The following CCDC73 variants were observed in gnomAD, a reference collection of about 807,000 sequenced individuals.
CCDC73 encodes coiled-coil domain-containing protein 73.
A neutral mutation model predicts 116.5 loss-of-function variants in CCDC73; 95 were observed. The ratio of observed to expected loss-of-function variants is 0.82; its 90% CI spans 0.69 to 0.97. CCDC73 has a LOEUF of 0.97. CCDC73 is among the 50% of genes least tolerant of loss of function. The pLI is 0.00. For missense variants in CCDC73, 1,066 were observed against 1,206.8 expected, an observed-to-expected ratio of 0.88 and a Z score of 1.73; for synonymous variants, 398 against 401.3, an observed-to-expected ratio of 0.99 and a Z score of 0.10.
At chr11:32,647,396 G>A (rs201867) in intron 12 of CCDC73, among the ~76,000 whole-genome samples, 1 of 151,918 alleles carries the variant, frequency 6.6e-6, no homozygotes, top group African/African-American at 2.4e-5. Flanking sequence ...ATCTGCCCCC[G>A]TGACGCACAC....
At chr11:32,805,213 C>A in the CCDC73 span, among the ~76,000 whole-genome samples, 21 of 152,156 alleles carry the variant, frequency 1.4e-4, no homozygotes, top group Non-Finnish European at 2.9e-4. Flanking sequence ...AATTTAATTT[C>A]TCTTTCAATT....
At chr11:32,608,984 C>A (rs1855388673) in intron 17 of CCDC73, among the ~76,000 whole-genome samples, 2 of 152,086 alleles carry the variant, frequency 1.3e-5, no homozygotes, top group Admixed American at 1.3e-4. Flanking sequence ...AGCACGGGGA[C>A]CCTGAGCCCC....
In CCDC73 at chr11:32,675,636, C is replaced by T. The variant is rs1250615576; in HGVS notation, c.574G>A (p.Ala192Thr). Residue 192 changes from alanine to threonine, a missense_variant, in exon 9 of 18, where the codon GCA (alanine) becomes ACA (threonine). Physicochemically the swap from Ala to Thr is moderately conservative, Grantham distance 58 (BLOSUM62 0). Transcript: ENST00000335185. The part of the protein sequence containing the change: ...HEKLEQNVRE[A>T]IQSNKRLSAL... ...GAAAGTCTTTTGTTTGATTGTATTG[C>T]TTCCCGTACTGCAACATGAAAGACA... 1 of 1,585,654 alleles carries T rather than the reference C, an allele frequency of 6.3e-7. No individual in the cohort carries two copies. Among genetic ancestry groups the T allele is most frequent in the Non-Finnish European group, 8.5e-7 (1 of 1,170,736 alleles).
chr11:32,748,118 C>T (rs1850256713), intron 2 of CCDC73, among the ~76,000 whole-genome samples: 1 of 152,188 alleles, frequency 6.6e-6, no homozygotes, highest in African/African-American at 2.4e-5. Flanking sequence ...AGAATTTAGT[C>T]CATTTACATT....
At chr11:32,734,895 A>G (rs1210904275) in intron 2 of CCDC73, among the ~76,000 whole-genome samples, 2 of 152,238 alleles carry the variant, frequency 1.3e-5, no homozygotes, top group African/African-American at 4.8e-5. Context: ...AATCCAAGAT[A>G]TAAACAGAAC....
chr11:32,767,022 A>G (rs1850448751), intron 1 of CCDC73, among the ~76,000 whole-genome samples: 1 of 152,206 alleles, frequency 6.6e-6, no homozygotes, highest in African/African-American at 2.4e-5. Flanking sequence ...AGGCAATCCT[A>G]AGCCAAAAGA....
chr11:32,749,149 A>C (rs1401169605), intron 2 of CCDC73, among the ~76,000 whole-genome samples: 1 of 151,992 alleles, frequency 6.6e-6, no homozygotes, highest in African/African-American at 2.4e-5. Flanking sequence ...CTCTCTCTCT[A>C]CGTCCTCTTT....
At chr11:32,688,374 A>G (rs950183877) in intron 6 of CCDC73, among the ~76,000 whole-genome samples, 1 of 152,244 alleles carries the variant, frequency 6.6e-6, no homozygotes, top group African/African-American at 2.4e-5. Context: ...GTAATCTTCA[A>G]GAGTGTCAAA....
chr11:32,804,162 A>G, the CCDC73 span, among the ~76,000 whole-genome samples: 2 of 149,580 alleles, frequency 1.3e-5, no homozygotes, highest in South Asian at 4.2e-4. Context: ...TTTTTGAGAC[A>G]ATATCTCACT....
intron 2 of CCDC73, among the ~76,000 whole-genome samples, chr11:32,726,236 G>A (rs1850028721): frequency 6.6e-6 from 1 of 152,112 alleles, no homozygotes; most frequent in African/African-American, 2.4e-5. Flanking sequence ...AGAGACAATA[G>A]AAATGGATCT....
the CCDC73 span, among the ~76,000 whole-genome samples, chr11:32,808,662 ATT>A: frequency 1.3e-5 from 2 of 152,142 alleles, no homozygotes; most frequent in African/African-American, 4.8e-5. Flanking sequence ...AAGGCCATAA[ATT>A]GATAATTGTT....
chr11:32,642,262 C>T (rs1047045864), intron 12 of CCDC73, among the ~76,000 whole-genome samples, 180 bp from the exon 13 acceptor site: 1 of 151,800 alleles, frequency 6.6e-6, no homozygotes, highest in South Asian at 2.1e-4. Flanking sequence ...GTTTAGCTAA[C>T]AGAAAATAGG....
At chr11:32,767,559 T>C (rs1312471005) in intron 1 of CCDC73, among the ~76,000 whole-genome samples, 1 of 152,130 alleles carries the variant, frequency 6.6e-6, no homozygotes, top group Non-Finnish European at 1.5e-5. Context: ...AGAAAATTTT[T>C]GCAATCTACT....
At chr11:32,651,008 G>A (rs1855821425) in intron 12 of CCDC73, among the ~76,000 whole-genome samples, 1 of 152,036 alleles carries the variant, frequency 6.6e-6, no homozygotes. Context: ...CTAGGCTTGG[G>A]GATACTTACC....
At chr11:32,638,897 T>C (rs1855705532) in intron 13 of CCDC73, among the ~76,000 whole-genome samples, 1 of 151,842 alleles carries the variant, frequency 6.6e-6, no homozygotes, top group Non-Finnish European at 1.5e-5. Context: ...CCTGTAATCC[T>C]AGCACCTTGA....
chr11:32,737,231 CTGTGTGTGTGTGTGTGTG>C (rs200606807), intron 2 of CCDC73, among the ~76,000 whole-genome samples: 20 of 137,654 alleles, frequency 1.5e-4, no homozygotes, highest in African/African-American at 4.6e-4. Context: ...CATAGTAGGG[CTGTGTGTGTGTGTGTGTG>C]TGTGTGTGTG....
At chr11:32,734,120 A>G (rs564010755) in intron 2 of CCDC73, among the ~76,000 whole-genome samples, 23 of 152,350 alleles carry the variant, frequency 1.5e-4, no homozygotes, top group African/African-American at 5.3e-4. Flanking sequence ...AATACAAACT[A>G]CCATCAGAGA....
At chr11:32,668,262 C>T (rs1017420581) in intron 9 of CCDC73, among the ~76,000 whole-genome samples, 4 of 152,060 alleles carry the variant, frequency 2.6e-5, no homozygotes, top group African/African-American at 9.7e-5. Flanking sequence ...TTTAAGTATT[C>T]CTTTATGTAT....
intron 1 of CCDC73, among the ~76,000 whole-genome samples, chr11:32,765,064 C>G (rs1006333844): frequency 6.6e-6 from 1 of 152,198 alleles, no homozygotes; most frequent in Non-Finnish European, 1.5e-5. Context: ...GAAGAGCTAA[C>G]TATCCTAAAT....
Sources: allele counts gnomAD v4.1 joint callset (sites outside exome capture counted in the v4.1 genomes callset), GRCh38; gene constraint gnomAD v4.1.1; transcripts MANE v1.5; gene names NCBI Gene and HGNC (gene_info 2026-07-23, HGNC 2026-07-21).